The following NCK1 variants were observed in gnomAD, a reference collection of about 807,000 sequenced individuals.
NCK1 encodes SH2/SH3 adapter protein NCK1.
Under a neutral mutation model 36.6 loss-of-function variants are expected in NCK1, and 19 were observed. The observed-to-expected ratio is 0.52, with a 90% CI of 0.36 to 0.76. NCK1 has a LOEUF of 0.76. Among genes scored for constraint, NCK1 ranks in the 30% least tolerant of loss-of-function variants. NCK1 has a pLI of 0.00. For missense variants in NCK1, 358 were observed against 445.6 expected, an observed-to-expected ratio of 0.80 and a Z score of 1.77; for synonymous variants, 165 against 156.0, an observed-to-expected ratio of 1.06 and a Z score of -0.43.
intron 1 of NCK1, among the ~76,000 whole-genome samples, chr3:136,883,366 A>G (rs1020005437): frequency 1.3e-5 from 2 of 151,994 alleles, no homozygotes; most frequent in Non-Finnish European, 2.9e-5. Context: ...CCTGGAACCT[A>G]TGTACTTTGC....
rs1204784690 is a variant in NCK1, at chr3:136,949,107, A to G, written c.*654A>G. 2.0e-5 allele frequency: 3 copies of G among 152,388 alleles called. No individual in the cohort carries two copies. The highest frequency in any genetic ancestry group is 4.4e-5 in the Non-Finnish European group (3 of 67,936). The allele number at this position is 152,388 out of a possible 1,614,324, so 9.4% of individuals were successfully genotyped here. A position where few individuals can be genotyped will look rare whatever the true frequency, so the allele number is the denominator to read the frequency against. Reference sequence around the variant, plus strand: ...TTAATTTACAACTGTTGGAAATAAAAATCACTTAATTTTTTTCCAGTGCTT... The same window carrying G: ...TTAATTTACAACTGTTGGAAATAAAGATCACTTAATTTTTTTCCAGTGCTT... On this transcript the variant is annotated 3_prime_UTR_variant, in exon 4 of 4. Transcript: ENST00000481752.
At chr3:136,914,498 C>G (rs1023174336) in intron 1 of NCK1, among the ~76,000 whole-genome samples, 2 of 152,136 alleles carry the variant, frequency 1.3e-5, no homozygotes, top group African/African-American at 2.4e-5. Context: ...CCAGAATCCT[C>G]TAATGTTTTT....
intron 1 of NCK1, among the ~76,000 whole-genome samples, chr3:136,883,762 G>A (rs989292464): frequency 4.6e-5 from 7 of 152,158 alleles, no homozygotes; most frequent in African/African-American, 1.4e-4. Flanking sequence ...GATAATTTAG[G>A]TGAGTTGCTG....
chr3:136,891,660 C>T (rs985531239), intron 1 of NCK1, among the ~76,000 whole-genome samples: 7 of 152,278 alleles, frequency 4.6e-5, no homozygotes, highest in Middle Eastern at 3.4e-3. Flanking sequence ...ACCAGCAGTG[C>T]ACAAGGGTTC....
intron 1 of NCK1, among the ~76,000 whole-genome samples, chr3:136,870,413 A>G (rs572737090): frequency 7.3e-6 from 1 of 136,188 alleles, no homozygotes; most frequent in Non-Finnish European, 1.6e-5. Flanking sequence ...GTGTAGATCA[A>G]TTCAAATAAT....
chr3:136,925,353 A>T (rs1940210364), intron 1 of NCK1, among the ~76,000 whole-genome samples: 1 of 152,016 alleles, frequency 6.6e-6, no homozygotes, highest in Non-Finnish European at 1.5e-5. Context: ...TTATTTTGAG[A>T]TCATTATAGA....
In NCK1 at chr3:136,862,219, C is replaced by G. The variant is rs1013915942; in HGVS notation, c.-153C>G. ...GGATCCGCCTGCCCACCGCGCGTGC[C>G]CCGCCTCTCTCCCAAGAGCTACGCG... On this transcript the variant is annotated 5_prime_UTR_variant, in exon 1 of 4. Coordinates refer to ENST00000481752, the MANE Select transcript of NCK1 (RefSeq NM_001291999.2). The G allele has an allele frequency of 1.3e-5, 2 of 152,534 alleles. No individual in the cohort carries two copies. Among genetic ancestry groups the G allele is most frequent in the Non-Finnish European group, 2.9e-5 (2 of 68,176 alleles). The allele number at this position is 152,534 out of a possible 1,614,324, so 9.4% of individuals were successfully genotyped here.
chr3:136,873,517 T>C (rs970583852), intron 1 of NCK1, among the ~76,000 whole-genome samples: 9 of 152,190 alleles, frequency 5.9e-5, no homozygotes, highest in Non-Finnish European at 1.5e-5. Flanking sequence ...AAGTTAATGC[T>C]GAAATGAGTT....
intron 1 of NCK1, among the ~76,000 whole-genome samples, chr3:136,874,182 T>A (rs925642742): frequency 6.6e-6 from 1 of 152,210 alleles, no homozygotes; most frequent in Non-Finnish European, 1.5e-5. Flanking sequence ...TTACATTTTT[T>A]ATACTTTTTT....
intron 1 of NCK1, among the ~76,000 whole-genome samples, chr3:136,862,682 C>T (rs367598600): frequency 6.6e-6 from 1 of 152,316 alleles, no homozygotes; most frequent in African/African-American, 2.4e-5. Context: ...GTGCGGCGCG[C>T]TGGTTGACTT....
chr3:136,940,281 A>G (rs1322008236), intron 2 of NCK1, among the ~76,000 whole-genome samples: 3 of 152,148 alleles, frequency 2.0e-5, no homozygotes, highest in Admixed American at 6.5e-5. Context: ...CTATATGTCT[A>G]TTAGGTCTAG....
At chr3:136,920,579 G>A (rs1184421150) in intron 1 of NCK1, among the ~76,000 whole-genome samples, 1 of 152,042 alleles carries the variant, frequency 6.6e-6, no homozygotes, top group East Asian at 1.9e-4. Context: ...TGATTATTTT[G>A]TTAGGCATTA....
At position 136,949,455 on chromosome 3, in the gene NCK1, C is replaced by A. The variant is rs545768025; in HGVS notation, c.*1002C>A. On this transcript the variant is annotated 3_prime_UTR_variant, in exon 4 of 4. Transcript: ENST00000481752. ...ATTGGGACACTAAAACTGATGTATA[C>A]CTGAGGAAAAAATAGAATGTGCTCA... 1 of 151,822 alleles carries A rather than the reference C, an allele frequency of 6.6e-6. No individual in the cohort carries two copies. Among genetic ancestry groups the A allele is most frequent in the South Asian group, 2.1e-4 (1 of 4,818 alleles). The allele number at this position is 151,822 out of a possible 1,614,324, so 9.4% of individuals were successfully genotyped here.
At chr3:136,872,945 A>T (rs908580820) in intron 1 of NCK1, among the ~76,000 whole-genome samples, 11 of 152,218 alleles carry the variant, frequency 7.2e-5, no homozygotes, top group Non-Finnish European at 1.6e-4. Context: ...CCCAGGCAGA[A>T]GTTTGCAGCA....
intron 1 of NCK1, among the ~76,000 whole-genome samples, chr3:136,869,554 A>G (rs1455799829): frequency 2.0e-5 from 3 of 152,222 alleles, no homozygotes; most frequent in South Asian, 2.1e-4. Context: ...AAAGAAAAAA[A>G]AGAAAGAAAG....
intron 1 of NCK1, among the ~76,000 whole-genome samples, chr3:136,917,223 C>G (rs1939990810): frequency 1.6e-5 from 2 of 124,116 alleles, no homozygotes; most frequent in Admixed American, 9.9e-5. Flanking sequence ...TTTCTTAAAA[C>G]ATTATGAGCT....
At chr3:136,939,917 C>G (rs925134119) in intron 2 of NCK1, among the ~76,000 whole-genome samples, 2 of 139,026 alleles carry the variant, frequency 1.4e-5, no homozygotes, top group Non-Finnish European at 3.0e-5. Flanking sequence ...GTAGCATGAT[C>G]ATGGCTCACT....
rs540569643 is a variant in NCK1, at chr3:136,928,566, T to C, written c.226+339T>C. On this transcript the variant is annotated intron_variant, in intron 2 of 3. Coordinates refer to ENST00000481752, the MANE Select transcript of NCK1 (RefSeq NM_001291999.2). ...GCCTCTTTGGCACCAAGGCAACTTA[T>C]GTACATGGCACATAATGAATTTTAA... 5.9e-5 allele frequency: 14 copies of C among 237,284 alleles called. No homozygotes were observed. The South Asian group carries it at 1.0e-3, about 17-fold the overall frequency. The allele number at this position is 237,284 out of a possible 1,614,324, so 14.7% of individuals were successfully genotyped here.
chr3:136,912,398 A>G (rs768040704), intron 1 of NCK1, among the ~76,000 whole-genome samples: 4 of 151,676 alleles, frequency 2.6e-5, no homozygotes, highest in Non-Finnish European at 2.9e-5. Context: ...AGTTTTTCAA[A>G]TAATCTCTTT....
Sources: gnomAD v4.1 joint callset for allele counts (sites outside exome capture counted in the v4.1 genomes callset) on GRCh38, gnomAD v4.1.1 for gene constraint, MANE v1.5 for transcripts, NCBI Gene and HGNC (gene_info 2026-07-23, HGNC 2026-07-21) for gene names.